The following APPL2 variants were observed in gnomAD, a reference collection of about 807,000 sequenced individuals.
The protein encoded by APPL2 is DCC-interacting protein 13-beta.
In APPL2, 84 loss-of-function variants were observed where a neutral mutation model predicts 92.7. The ratio of observed to expected loss-of-function variants is 0.91; its 90% CI spans 0.76 to 1.09. APPL2 has a LOEUF of 1.09. Among genes scored for constraint, APPL2 ranks in the 50% least tolerant of loss-of-function variants. The pLI, the probability that APPL2 is intolerant of heterozygous loss-of-function variation, is 0.00. For missense variants in APPL2, 736 were observed against 824.5 expected (o/e 0.89, Z 1.31); for synonymous variants, 291 against 291.0 (o/e 1.00, Z 0.00).
chr12:105,186,671 T>TCATATATC, intron 17 of APPL2, among the ~76,000 whole-genome samples: 1 of 107,478 alleles, frequency 9.3e-6, no homozygotes, highest in African/African-American at 3.8e-5. Context: ...ATATCATATA[T>TCATATATC]ATGATATATC....
intron 5 of APPL2, among the ~76,000 whole-genome samples, chr12:105,210,085 C>T (rs1385597914): frequency 3.9e-5 from 6 of 152,124 alleles, no homozygotes; most frequent in Non-Finnish European, 8.8e-5. Flanking sequence ...CTCAGCCTCC[C>T]GAGTAGCTGG....
At chr12:105,217,005 A>C in intron 4 of APPL2, 64 bp downstream of exon 4, 2 of 1,270,180 alleles carry the variant, frequency 1.6e-6, no homozygotes, top group South Asian at 1.4e-5. Context: ...AAAGTGGGCC[A>C]AAATAACAAC....
rs1302697465 is a variant in APPL2 at position 105,173,382 on chromosome 12, T to G, written c.*932A>C. 1 of 152,628 alleles carries G rather than the reference T, an allele frequency of 6.6e-6. No individual in the cohort carries two copies. The highest frequency in any genetic ancestry group is 1.5e-5 in the Non-Finnish European group (1 of 68,042). 9.5% of individuals were successfully genotyped at this position (152,628 alleles called of 1,614,324 possible). ...TGAACTTAGTTACAGTTAAACACAC[T>G]GTACCGATTCAAAATCATTATACTA... On this transcript the variant is annotated 3_prime_UTR_variant, in exon 21 of 21. Transcript: ENST00000258530.
At chr12:105,186,731 T>TATATC (rs1566057005) in intron 17 of APPL2, among the ~76,000 whole-genome samples, 1 of 146,096 alleles carries the variant, frequency 6.8e-6, no homozygotes, top group African/African-American at 2.5e-5. Flanking sequence ...ATATATCATA[T>TATATC]ATATCATATA....
At chr12:105,185,389 A>G (rs1886510246) in intron 17 of APPL2, among the ~76,000 whole-genome samples, 2 of 152,180 alleles carry the variant, frequency 1.3e-5, no homozygotes, top group African/African-American at 4.8e-5. Context: ...CTGGTGGTGT[A>G]GGCACTCGAT....
At chr12:105,174,876 T>TGGAGG (rs796727681) in intron 20 of APPL2, among the ~76,000 whole-genome samples, 1 of 89,010 alleles carries the variant, frequency 1.1e-5, no homozygotes, top group Non-Finnish European at 2.3e-5. Context: ...TTTTTTTTGG[T>TGGAGG]GGGGGGGGGG....
At chr12:105,208,239 A>G (rs1397544915) in intron 5 of APPL2, 40 bp from the exon 6 acceptor site, 2 of 1,610,586 alleles carry the variant, frequency 1.2e-6, no homozygotes, top group African/African-American at 1.3e-5. Context: ...GCAATGAAAA[A>G]TAAAACATGC....
At position 105,175,917 on chromosome 12, in the gene APPL2, A is replaced by G. The variant is rs1885495724; in HGVS notation, c.1860+118T>C. The G allele has an allele frequency of 4.0e-6, 4 of 992,314 alleles. No individual in the cohort carries two copies. In the East Asian group the frequency reaches 1.1e-4, roughly 28 times the overall value. The allele number at this position is 992,314 out of a possible 1,614,324, so 61.5% of individuals were successfully genotyped here. A position where few individuals can be genotyped will look rare whatever the true frequency, so the allele number is the denominator to read the frequency against. The stretch of plus-strand genomic sequence containing the variant: ...GTGGTTAGAATACTTTTAAAAGGAA[A>G]TCCCAAACTTGGCCACACTTTCCAG... On this transcript the variant is annotated intron_variant, in intron 20 of 20. Transcript: ENST00000258530.
intron 1 of APPL2, among the ~76,000 whole-genome samples, chr12:105,234,133 G>C (rs897646697): frequency 6.6e-6 from 1 of 152,152 alleles, no homozygotes; most frequent in African/African-American, 2.4e-5. Context: ...AGTCTCAAAA[G>C]CAATGACAAA....
At chr12:105,199,287 C>G in intron 10 of APPL2, 86 bp downstream of exon 10, 1 of 1,498,616 alleles carries the variant, frequency 6.7e-7, no homozygotes, top group Non-Finnish European at 9.0e-7. Flanking sequence ...CTCCCTCTGA[C>G]TTTAATGAGG....
intron 9 of APPL2, among the ~76,000 whole-genome samples, chr12:105,201,835 G>A (rs1888234622): frequency 6.6e-6 from 1 of 152,154 alleles, no homozygotes; most frequent in Admixed American, 6.5e-5. Context: ...TCTGCAGGGT[G>A]GCTGGAAACC....
rs1891211597 is a variant in APPL2 at position 105,236,099 on chromosome 12, CAGGCGACGCGGCGGCCACTCCG to C, written c.-109_-88del. The C allele has an allele frequency of 7.9e-6, 8 of 1,016,730 alleles. No individual in the cohort carries two copies. Among genetic ancestry groups the C allele is most frequent in the African/African-American group, 1.7e-5 (1 of 58,098 alleles). The allele number at this position is 1,016,730 out of a possible 1,614,324, so 63.0% of individuals were successfully genotyped here. On this transcript the variant is annotated 5_prime_UTR_variant, in exon 1 of 21. Coordinates refer to ENST00000258530, the MANE Select transcript of APPL2 (RefSeq NM_018171.5). ...CGAGAGCACTCCCCGGCTCTGGGCT[CAGGCGACGCGGCGGCCACTCCG>C]TGCCCGCGGCGGCCCCGCGCGCGTC... is the stretch of plus-strand genomic sequence containing the variant.
At position 105,217,714 on chromosome 12, in the gene APPL2, G is replaced by A; in HGVS notation, c.165C>T (p.Cys55=). ...QRVYGAQNEM[C]LATQQLSKQL... ...GCTTAGAAAGCTGTTGTGTGGCCAG[G>A]CACATCTCATTCTGTGGAGAGAAGA... is the stretch of plus-strand genomic sequence containing the variant. The change falls in exon 3 of 21, where the codon TGC becomes TGT. Residue 55 remains cysteine, a synonymous_variant. Transcript: ENST00000258530. The A allele has an allele frequency of 6.2e-7, 1 of 1,613,796 alleles. No homozygotes were observed.
chr12:105,208,302 GAA>G, intron 5 of APPL2, 103 bp from the exon 6 acceptor site: 9 of 1,407,298 alleles, frequency 6.4e-6, no homozygotes, highest in South Asian at 1.2e-5. Flanking sequence ...GCGTGCAAGG[GAA>G]GCCCCTGCAC....
intron 14 of APPL2, among the ~76,000 whole-genome samples, chr12:105,192,914 T>C (rs1325454666): frequency 1.3e-5 from 2 of 152,248 alleles, no homozygotes; most frequent in Non-Finnish European, 2.9e-5. Flanking sequence ...GGTACTTGCT[T>C]AGAAGTAAAT....
intron 14 of APPL2, among the ~76,000 whole-genome samples, chr12:105,191,835 G>A (rs1179742348): frequency 6.6e-6 from 1 of 152,072 alleles, no homozygotes; most frequent in African/African-American, 2.4e-5. Flanking sequence ...CCTTCTCAAT[G>A]TCTTTGGCAG....
intron 17 of APPL2, among the ~76,000 whole-genome samples, chr12:105,179,579 G>A (rs1435095800): frequency 3.3e-5 from 5 of 152,140 alleles, no homozygotes; most frequent in Non-Finnish European, 7.4e-5. Flanking sequence ...CACAATAGTT[G>A]AACTAATTTA....
At chr12:105,224,767 C>T (rs554723944) in intron 2 of APPL2, among the ~76,000 whole-genome samples, 2 of 152,320 alleles carry the variant, frequency 1.3e-5, no homozygotes, top group East Asian at 3.9e-4. Context: ...GCTTCTCCCT[C>T]CCCCATGACA....
chr12:105,214,155 C>G lies in APPL2; in HGVS notation c.286-2838G>C, dbSNP rs145045358. 1.4e-4 allele frequency among the ~76,000 whole-genome samples: 21 copies of G among 152,254 alleles called. No individual in the cohort carries two copies. The East Asian group carries it at 4.1e-3, about 29-fold the overall frequency. On this transcript the variant is annotated intron_variant, in intron 4 of 20. Coordinates refer to ENST00000258530, the MANE Select transcript of APPL2 (RefSeq NM_018171.5). ...GAGCCAAGATCGTGCCATTGCACTC[C>G]AGCCTGGGCAATAAGAGCAAAACTC... is the stretch of plus-strand genomic sequence containing the variant.
Sources: allele counts gnomAD v4.1 joint callset (sites outside exome capture counted in the v4.1 genomes callset), GRCh38; gene constraint gnomAD v4.1.1; transcripts MANE v1.5; gene names NCBI Gene and HGNC (gene_info 2026-07-23, HGNC 2026-07-21).